DTNA: variants seen among roughly 807,000 people sequenced by gnomAD.
DTNA encodes dystrobrevin alpha, also known as dystrophin-related protein 3.
A neutral mutation model predicts 100.7 loss-of-function variants in DTNA; 43 were observed. The ratio of observed to expected loss-of-function variants is 0.43; its 90% CI spans 0.33 to 0.55. DTNA has a LOEUF of 0.55. Among genes scored for constraint, DTNA ranks in the 20% least tolerant of loss-of-function variants. The probability of loss-of-function intolerance (pLI) is 0.04; values close to 1 mark genes in which losing one functional copy is unlikely to be tolerated. For missense variants in DTNA, 798 were observed against 953.9 expected (o/e 0.84, Z 2.15); for synonymous variants, 349 against 347.9 (o/e 1.00, Z -0.04).
At chr18:34,839,262 G>A (rs764087410) in intron 13 of DTNA, among the ~76,000 whole-genome samples, 1 of 152,170 alleles carries the variant, frequency 6.6e-6, no homozygotes, top group Non-Finnish European at 1.5e-5. Context: ...AAGAGAAAAT[G>A]CGATGTGATT....
intron 1 of DTNA, among the ~76,000 whole-genome samples, chr18:34,655,923 C>T (rs992387562): frequency 2.0e-5 from 3 of 152,182 alleles, no homozygotes; most frequent in African/African-American, 7.2e-5. Flanking sequence ...TTCTCTAACT[C>T]GTCAACTTTC....
chr18:34,740,668 C>T (rs1056082592), intron 1 of DTNA, among the ~76,000 whole-genome samples: 10 of 151,972 alleles, frequency 6.6e-5, no homozygotes, highest in African/African-American at 1.9e-4. Context: ...TGATGGTGCA[C>T]GCCTGTGGTC....
chr18:34,887,848 ACAGCAGCCTGG>A lies in DTNA; in HGVS notation c.*124_*134del. 2 of 986,634 alleles carry A rather than the reference ACAGCAGCCTGG, an allele frequency of 2.0e-6. No homozygotes were observed. The highest frequency in any genetic ancestry group is 4.7e-5 in the South Asian group (1 of 21,312). The allele number at this position is 986,634 out of a possible 1,614,324, so 61.1% of individuals were successfully genotyped here. A position where few individuals can be genotyped will look rare whatever the true frequency, so the allele number is the denominator to read the frequency against. ...CCCTGTGGCCACACAGAGGAGGAAG[ACAGCAGCCTGG>A]CAGCAGCCTCACCGAAGAGAGGAAC... is the stretch of plus-strand genomic sequence containing the variant. On this transcript the variant is annotated 3_prime_UTR_variant, in exon 23 of 23. Transcript: ENST00000444659.
intron 1 of DTNA, among the ~76,000 whole-genome samples, chr18:34,498,574 A>C (rs1380729807): frequency 6.6e-6 from 1 of 151,912 alleles, no homozygotes; most frequent in Non-Finnish European, 1.5e-5. Context: ...AGTTGTATTT[A>C]GTCAAGGAAT....
At chr18:34,746,280 A>T (rs1266506046) in intron 1 of DTNA, among the ~76,000 whole-genome samples, 1 of 152,102 alleles carries the variant, frequency 6.6e-6, no homozygotes, top group Non-Finnish European at 1.5e-5. Flanking sequence ...AGGAAAAAGA[A>T]ACAGATATAT....
intron 1 of DTNA, among the ~76,000 whole-genome samples, chr18:34,754,940 A>C (rs1221818161): frequency 6.6e-6 from 1 of 152,210 alleles, no homozygotes; most frequent in East Asian, 1.9e-4. Flanking sequence ...TAGGGAGAGG[A>C]CAATCCTGTC....
At chr18:34,586,808 A>G (rs2049183316) in intron 1 of DTNA, among the ~76,000 whole-genome samples, 1 of 152,208 alleles carries the variant, frequency 6.6e-6, no homozygotes, top group South Asian at 2.1e-4. Flanking sequence ...AAGTAATCCA[A>G]TAGAGGTGGT....
intron 12 of DTNA, 138 bp from the exon 13 acceptor site, chr18:34,838,607 G>A: frequency 2.7e-6 from 2 of 730,822 alleles, no homozygotes; most frequent in Non-Finnish European, 5.0e-6. Context: ...GTTTTTCATA[G>A]CACATCACTT....
chr18:34,722,595 A>G (rs1028054764), intron 1 of DTNA, among the ~76,000 whole-genome samples: 1 of 150,574 alleles, frequency 6.6e-6, no homozygotes. Flanking sequence ...GTTTTGACAT[A>G]TATATATACA....
At chr18:34,618,530 C>T (rs1042323479) in intron 1 of DTNA, among the ~76,000 whole-genome samples, 1 of 152,140 alleles carries the variant, frequency 6.6e-6, no homozygotes, top group Admixed American at 6.6e-5. Flanking sequence ...TTACAATTCT[C>T]TCAGTCTCTC....
At chr18:34,866,447 T>G (rs1323414660) in intron 17 of DTNA, 1 of 1,260,814 alleles carries the variant, frequency 7.9e-7, no homozygotes, top group Admixed American at 3.4e-5. Context: ...GCTTTTCAAG[T>G]TGTTGATCAG....
intron 1 of DTNA, among the ~76,000 whole-genome samples, chr18:34,722,212 A>G (rs2085490753): frequency 6.6e-6 from 1 of 152,110 alleles, no homozygotes; most frequent in Non-Finnish European, 1.5e-5. Flanking sequence ...ATATTAAAAT[A>G]AAGAAGAATG....
chr18:34,838,619 C>G, intron 12 of DTNA, 126 bp from the exon 13 acceptor site: 2 of 776,648 alleles, frequency 2.6e-6, no homozygotes, highest in South Asian at 1.4e-5. Context: ...ACATCACTTA[C>G]TACCCTTCCT....
Position 34,684,761 on chromosome 18 carries a change from C to T in DTNA, c.-1-71215C>T, listed in dbSNP as rs535742908. Among the ~76,000 whole-genome samples, 9 of 152,280 alleles carry T rather than the reference C, an allele frequency of 5.9e-5. No individual in the cohort carries two copies. In the East Asian group the frequency reaches 1.7e-3, roughly 29 times the overall value. On this transcript the variant is annotated intron_variant, in intron 1 of 19. Transcript: ENST00000283365. Reference sequence around the variant, plus strand: ...ATGGTTGAACTAATTTACACTCCCACCAATAGTGTAAAAGCATTCCTATTT... The same window carrying T: ...ATGGTTGAACTAATTTACACTCCCATCAATAGTGTAAAAGCATTCCTATTT...
intron 3 of DTNA, among the ~76,000 whole-genome samples, chr18:34,776,896 ACCAG>A (rs2094084592): frequency 6.6e-6 from 1 of 152,118 alleles, no homozygotes; most frequent in African/African-American, 2.4e-5. Flanking sequence ...CTGGGAACAT[ACCAG>A]GCATGTGCCC....
chr18:34,552,871 A>C (rs1305015680), intron 1 of DTNA, among the ~76,000 whole-genome samples: 1 of 142,910 alleles, frequency 7.0e-6, no homozygotes, highest in East Asian at 2.0e-4. Context: ...AGCATGATTT[A>C]TAGTCCTTTG....
At chr18:34,826,841 A>G (rs573623255) in intron 9 of DTNA, among the ~76,000 whole-genome samples, 1 of 152,282 alleles carries the variant, frequency 6.6e-6, no homozygotes, top group Non-Finnish European at 1.5e-5. Context: ...TAAAACATTC[A>G]TGATGGGGAA....
chr18:34,726,621 C>A lies in DTNA; in HGVS notation c.-2+16176C>A, dbSNP rs8089804. On this transcript the variant is annotated intron_variant, in intron 1 of 22. Coordinates refer to ENST00000444659, the MANE Select transcript of DTNA (RefSeq NM_001386795.1). ...TTAAACCTTAGTGCTCCAAAATAATCCTTCACTCCTTGTCCTGAAACCAGA... is the reference window on the plus strand; with the variant it reads ...TTAAACCTTAGTGCTCCAAAATAATACTTCACTCCTTGTCCTGAAACCAGA... 7.7e-3 allele frequency among the ~76,000 whole-genome samples: 1,180 copies of A among 152,322 alleles called. 8 individuals are homozygous for A. The highest frequency in any genetic ancestry group is 0.027 in the African/African-American group (1,105 of 41,570).
chr18:34,615,056 A>G (rs1315149962), intron 1 of DTNA, among the ~76,000 whole-genome samples: 1 of 152,218 alleles, frequency 6.6e-6, no homozygotes, highest in Non-Finnish European at 1.5e-5. Flanking sequence ...TGGGTAATTT[A>G]TAAGAAAAGA....
Sources: gnomAD v4.1 joint callset for allele counts (sites outside exome capture counted in the v4.1 genomes callset) on GRCh38, gnomAD v4.1.1 for gene constraint, MANE v1.5 for transcripts, NCBI Gene and HGNC (gene_info 2026-07-23, HGNC 2026-07-21) for gene names.